RNF166: variants seen among roughly 807,000 people sequenced by gnomAD.
RNF166 encodes ring finger protein 166.
Under a neutral mutation model 29.4 loss-of-function variants are expected in RNF166, and 19 were observed. The observed-to-expected ratio is 0.65, with a 90% CI of 0.45 to 0.95. RNF166 has a LOEUF of 0.95. RNF166 is among the 40% of genes least tolerant of loss of function. The pLI is 0.00. For synonymous variants in RNF166, 171 were observed against 134.5 expected (o/e 1.27, Z -1.88); for missense variants, 347 against 322.1 (o/e 1.08, Z -0.59).
intron 1 of RNF166, 31 bp from the exon 2 acceptor site, chr16:88,701,449 C>A (rs375633943): frequency 6.5e-7 from 1 of 1,527,890 alleles, no homozygotes; most frequent in Non-Finnish European, 8.8e-7. Flanking sequence ...AGTGCCAGCC[C>A]GCCCCTCGGG....
rs1650103903 is a variant in RNF166, at chr16:88,699,714, T to C, written c.331A>G (p.Arg111Gly). ...CNKKVTLAKM[R>G]VHISSCLKVQ... ...TTCAGGCAGGACGAAATGTGCACTC[T>C]CATCTTTGCCAGGGTCACCTAGGAG... The change falls in exon 3 of 6, where the codon AGA (arginine) becomes GGA (glycine). Residue 111 changes from arginine to glycine, a missense_variant. Transcript: ENST00000312838. 3.7e-6 allele frequency: 6 copies of C among 1,612,836 alleles called. No individual in the cohort carries two copies. The highest frequency in any genetic ancestry group is 5.1e-6 in the Non-Finnish European group (6 of 1,179,674).
At chr16:88,703,715 T>G (rs1284086916) in intron 1 of RNF166, 3 of 985,212 alleles carry the variant, frequency 3.0e-6, no homozygotes, top group African/African-American at 1.7e-5. Flanking sequence ...GGGCGATGGG[T>G]GTGGGGGCGT....
rs576779937 is a variant in RNF166, at chr16:88,706,073, C to T, written c.155+98G>A. ...CCCCGGCGCCCCGAGTCCCCGCGCG[C>T]CCAGTCCGGAGCTGCACCGGGGCGG... On this transcript the variant is annotated intron_variant, in intron 1 of 5. Coordinates refer to ENST00000312838, the MANE Select transcript of RNF166 (RefSeq NM_178841.4). 3.5e-4 allele frequency: 289 copies of T among 822,902 alleles called. 3 individuals carry two copies. The Admixed American group carries it at 4.5e-3, about 13-fold the overall frequency. 51.0% of individuals were successfully genotyped at this position (822,902 alleles called of 1,614,324 possible). A position where few individuals can be genotyped will look rare whatever the true frequency, so the allele number is the denominator to read the frequency against.
intron 2 of RNF166, chr16:88,700,514 A>T: frequency 1.3e-6 from 1 of 778,052 alleles, no homozygotes; most frequent in Non-Finnish European, 1.6e-6. Context: ...TGGACCTTCG[A>T]CCTCGAGGAC....
intron 1 of RNF166, chr16:88,701,764 A>G (rs74033350): frequency 0.012 from 3,287 of 271,100 alleles, 102 homozygotes; most frequent in African/African-American, 0.066. Flanking sequence ...ACGTGGCGAC[A>G]ACACCTGGGT....
At chr16:88,700,605 A>T (rs1910117945) in intron 2 of RNF166, 1 of 985,372 alleles carries the variant, frequency 1.0e-6, no homozygotes, top group African/African-American at 1.7e-5. Flanking sequence ...GGGAAACGCA[A>T]ATGCAAAATC....
Position 88,696,980 on chromosome 16 carries a change from T to C in RNF166, c.*588A>G, listed in dbSNP as rs565967751. ...TTCTTAAAAAATATAATTTTGTAAATGTTCCATAAAAATACTATTATTCCT... is the reference window on the plus strand; with the variant it reads ...TTCTTAAAAAATATAATTTTGTAAACGTTCCATAAAAATACTATTATTCCT... On this transcript the variant is annotated 3_prime_UTR_variant, in exon 6 of 6. Coordinates refer to ENST00000312838, the MANE Select transcript of RNF166 (RefSeq NM_178841.4). 43 of 201,908 alleles carry C rather than the reference T, an allele frequency of 2.1e-4. No individual in the cohort carries two copies. The highest frequency in any genetic ancestry group is 4.2e-3 in the Middle Eastern group (2 of 480). The allele number at this position is 201,908 out of a possible 1,614,324, so 12.5% of individuals were successfully genotyped here.
chr16:88,699,713 C>G lies in RNF166; in HGVS notation c.332G>C (p.Arg111Thr), dbSNP rs1321197383. The change falls in exon 3 of 6, where the codon AGA becomes ACA. Residue 111 changes from arginine to threonine, a missense_variant. Arg to Thr is a moderately conservative substitution (Grantham distance 71, BLOSUM62 -1). Coordinates refer to ENST00000312838, the MANE Select transcript of RNF166 (RefSeq NM_178841.4). ...CTTCAGGCAGGACGAAATGTGCACTCTCATCTTTGCCAGGGTCACCTAGGA... is the reference window on the plus strand; with the variant it reads ...CTTCAGGCAGGACGAAATGTGCACTGTCATCTTTGCCAGGGTCACCTAGGA... ...CNKKVTLAKMRVHISSCLKVQ... is the reference protein window; with the variant it reads ...CNKKVTLAKMTVHISSCLKVQ... 3.7e-6 allele frequency: 6 copies of G among 1,612,990 alleles called. No homozygotes were observed. The highest frequency in any genetic ancestry group is 2.2e-5 in the South Asian group (2 of 90,994).
At chr16:88,702,745 G>A in intron 1 of RNF166, 2 of 985,430 alleles carry the variant, frequency 2.0e-6, no homozygotes, top group Non-Finnish European at 1.2e-6. Flanking sequence ...TTTTTCTGCA[G>A]AGTAAAGAGG....
intron 1 of RNF166, chr16:88,702,862 A>G (rs1269763761): frequency 1.0e-6 from 1 of 985,352 alleles, no homozygotes; most frequent in Non-Finnish European, 1.2e-6. Context: ...GGGGCCGCCT[A>G]CTTCACCCGT....
intron 1 of RNF166, chr16:88,703,335 G>C: frequency 1.0e-6 from 1 of 985,488 alleles, no homozygotes; most frequent in Non-Finnish European, 1.2e-6. Flanking sequence ...GACCAGGCCG[G>C]GGCTCGGCTG....
intron 1 of RNF166, among the ~76,000 whole-genome samples, chr16:88,705,875 G>C (rs982969078): frequency 1.3e-5 from 2 of 152,186 alleles, no homozygotes; most frequent in African/African-American, 2.4e-5. Context: ...AGCGCCCGCC[G>C]CAGCCGCCGG....
intron 1 of RNF166, chr16:88,704,423 T>C (rs1018527063): frequency 1.0e-6 from 1 of 985,296 alleles, no homozygotes; most frequent in African/African-American, 1.7e-5. Context: ...AGGGGAGTTT[T>C]ATAGGAAAGA....
At position 88,697,140 on chromosome 16, in the gene RNF166, C is replaced by G. The variant is rs1421315953; in HGVS notation, c.*428G>C. On this transcript the variant is annotated 3_prime_UTR_variant, in exon 6 of 6. Coordinates refer to ENST00000312838, the MANE Select transcript of RNF166 (RefSeq NM_178841.4). ...GTATCACAAAAGCCAGTACCAAATG[C>G]GCAAGGTGGAAGTGGGGCCGGGGCA... 5.8e-6 allele frequency: 1 copy of G among 171,928 alleles called. No homozygotes were observed. The highest frequency in any genetic ancestry group is 1.2e-5 in the Non-Finnish European group (1 of 80,626). The allele number at this position is 171,928 out of a possible 1,614,324, so 10.7% of individuals were successfully genotyped here.
intron 2 of RNF166, chr16:88,700,814 T>G (rs1910139495): frequency 1.9e-6 from 2 of 1,046,396 alleles, no homozygotes; most frequent in African/African-American, 3.5e-5. Flanking sequence ...GCAGTGCCCA[T>G]CAGCCCGGCT....
At chr16:88,698,839 C>T in intron 4 of RNF166, 132 bp downstream of exon 4, 1 of 759,396 alleles carries the variant, frequency 1.3e-6, no homozygotes, top group East Asian at 2.7e-5. Context: ...CAGCCAAGTT[C>T]CCACCCTGGG....
At chr16:88,702,141 TG>T (rs1910303664) in intron 1 of RNF166, among the ~76,000 whole-genome samples, 2 of 9,686 alleles carry the variant, frequency 2.1e-4, no homozygotes, top group Non-Finnish European at 5.8e-4. Context: ...GGGGCTTCCT[TG>T]GGCTCGCACA....
At chr16:88,703,310 C>G (rs1910454160) in intron 1 of RNF166, 1 of 985,284 alleles carries the variant, frequency 1.0e-6, no homozygotes, top group African/African-American at 1.7e-5. Context: ...CCTGAGTGAA[C>G]CCTGAGCTGC....
chr16:88,703,718 G>A (rs1326143980), intron 1 of RNF166: 5 of 985,406 alleles, frequency 5.1e-6, no homozygotes, highest in African/African-American at 1.7e-5. Context: ...CGATGGGTGT[G>A]GGGGCGTCGA....
Sources: gnomAD v4.1 joint callset for allele counts (sites outside exome capture counted in the v4.1 genomes callset) on GRCh38, gnomAD v4.1.1 for gene constraint, MANE v1.5 for transcripts, NCBI Gene and HGNC (gene_info 2026-07-23, HGNC 2026-07-21) for gene names.